Variants in PAFAH1B1 observed in about 807,000 individuals in gnomAD.
PAFAH1B1 encodes the protein platelet-activating factor acetylhydrolase IB subunit beta.
In PAFAH1B1, 2 loss-of-function variants were observed where a neutral mutation model predicts 57.5. The observed-to-expected ratio is 0.03, with a 90% CI of 0.01 to 0.11. The LOEUF (loss-of-function observed/expected upper bound fraction) is 0.11, where lower values mean the gene tolerates loss of function less well. PAFAH1B1 is among the 10% of genes least tolerant of loss of function. PAFAH1B1 has a pLI of 1.00. For missense variants in PAFAH1B1, 257 were observed against 512.0 expected (o/e 0.50, Z 4.81); for synonymous variants, 152 against 169.6 (o/e 0.90, Z 0.81).
chr17:2,660,435 T>G (rs1269327776), intron 2 of PAFAH1B1, among the ~76,000 whole-genome samples: 3 of 152,020 alleles, frequency 2.0e-5, no homozygotes, highest in African/African-American at 7.2e-5. Flanking sequence ...CGGGTGTGTG[T>G]TGTTCCCCTC....
At chr17:2,643,394 C>T (rs991717545) in intron 2 of PAFAH1B1, among the ~76,000 whole-genome samples, 1 of 152,116 alleles carries the variant, frequency 6.6e-6, no homozygotes, top group Non-Finnish European at 1.5e-5. Context: ...GCTGGGATTA[C>T]AGGCATGAGC....
At chr17:2,641,875 A>G (rs1030436536) in intron 2 of PAFAH1B1, 1 of 152,220 alleles carries the variant, frequency 6.6e-6, no homozygotes, top group Non-Finnish European at 1.5e-5. Flanking sequence ...ATACACATAT[A>G]CAAGTGTTTT....
At chr17:2,655,209 G>T (rs1211488567) in intron 2 of PAFAH1B1, among the ~76,000 whole-genome samples, 1 of 150,940 alleles carries the variant, frequency 6.6e-6, no homozygotes, top group Non-Finnish European at 1.5e-5. Flanking sequence ...GTGTGTGTGT[G>T]TGTGTGTTTA....
At chr17:2,649,509 G>A (rs909805565) in intron 2 of PAFAH1B1, among the ~76,000 whole-genome samples, 2 of 151,968 alleles carry the variant, frequency 1.3e-5, no homozygotes, top group Non-Finnish European at 2.9e-5. Context: ...GGGAGGCGGG[G>A]AGGTTGCAGT....
intron 7 of PAFAH1B1, among the ~76,000 whole-genome samples, chr17:2,673,033 A>C (rs904213689): frequency 6.6e-6 from 1 of 152,046 alleles, no homozygotes; most frequent in African/African-American, 2.4e-5. Context: ...GTGCCATTGC[A>C]CTCTAGCCTG....
intron 1 of PAFAH1B1, among the ~76,000 whole-genome samples, chr17:2,599,672 G>A (rs1386047670): frequency 2.0e-5 from 3 of 151,782 alleles, no homozygotes; most frequent in African/African-American, 4.8e-5. Context: ...GCTGCATTTC[G>A]TATACAGAGA....
chr17:2,647,762 T>TG lies in PAFAH1B1; in HGVS notation c.32+9445dup, dbSNP rs369883460. On this transcript the variant is annotated intron_variant, in intron 2 of 10. Transcript: ENST00000397195. The stretch of plus-strand genomic sequence containing the variant: ...GCTCACGCCTGTAATCCCAGCACTT[T>TG]GGGAGGCTGAGGTGGGTGGATCATG... Among the ~76,000 whole-genome samples, 212 of 152,094 alleles carry TG rather than the reference T, an allele frequency of 1.4e-3. 1 individual carries two copies. Among genetic ancestry groups the TG allele is most frequent in the African/African-American group, 4.7e-3 (196 of 41,486 alleles).
chr17:2,600,764 G>A (rs914994633), intron 1 of PAFAH1B1, among the ~76,000 whole-genome samples: 5 of 151,950 alleles, frequency 3.3e-5, no homozygotes. Context: ...GACTCTCGCT[G>A]TGTTGCCCAG....
chr17:2,643,394 C>G (rs991717545), intron 2 of PAFAH1B1, among the ~76,000 whole-genome samples: 2 of 152,116 alleles, frequency 1.3e-5, no homozygotes, highest in Non-Finnish European at 2.9e-5. Context: ...GCTGGGATTA[C>G]AGGCATGAGC....
intron 5 of PAFAH1B1, 135 bp downstream of exon 5, chr17:2,667,333 CA>C (rs934220950): frequency 0.06 from 25,976 of 430,570 alleles, 1 homozygote; most frequent in South Asian, 0.08. Flanking sequence ...CACTCTGTCT[CA>C]AAAAAAAAAA....
At chr17:2,634,273 T>TTACAGGTG (rs1567538437) in intron 1 of PAFAH1B1, among the ~76,000 whole-genome samples, 1 of 152,102 alleles carries the variant, frequency 6.6e-6, no homozygotes, top group Non-Finnish European at 1.5e-5. Flanking sequence ...AGTAGCTGGA[T>TTACAGGTG]TACAGGTGCT....
chr17:2,619,533 C>A (rs1046970767), intron 1 of PAFAH1B1, among the ~76,000 whole-genome samples: 6 of 73,734 alleles, frequency 8.1e-5, no homozygotes, highest in Non-Finnish European at 1.7e-4. Context: ...CTGGCCCTTA[C>A]CTGTTTTTTT....
At chr17:2,614,780 G>T (rs975092335) in intron 1 of PAFAH1B1, among the ~76,000 whole-genome samples, 3 of 151,816 alleles carry the variant, frequency 2.0e-5, no homozygotes, top group African/African-American at 7.3e-5. Context: ...TTAGAGATGA[G>T]TCTTGCTGCG....
At chr17:2,622,665 C>G (rs1040360158) in intron 1 of PAFAH1B1, among the ~76,000 whole-genome samples, 1 of 152,214 alleles carries the variant, frequency 6.6e-6, no homozygotes, top group Non-Finnish European at 1.5e-5. Flanking sequence ...ACAGTGCAAG[C>G]TGTCGGTGGA....
chr17:2,655,312 A>G (rs1033865825), intron 2 of PAFAH1B1, among the ~76,000 whole-genome samples: 3 of 152,026 alleles, frequency 2.0e-5, no homozygotes, highest in Non-Finnish European at 2.9e-5. Context: ...AAGCCCTTTT[A>G]CATACCACAT....
intron 1 of PAFAH1B1, 31 bp from the exon 2 acceptor site, chr17:2,638,065 AAAT>A: frequency 6.1e-6 from 3 of 490,978 alleles, no homozygotes; most frequent in Non-Finnish European, 3.6e-6. Flanking sequence ...ATTTTAAGTG[AAAT>A]AATCTTTTTT....
At chr17:2,617,971 G>A (rs1044875120) in intron 1 of PAFAH1B1, among the ~76,000 whole-genome samples, 4 of 141,570 alleles carry the variant, frequency 2.8e-5, no homozygotes, top group Admixed American at 7.0e-5. Flanking sequence ...CATTTAGGCC[G>A]GGTGCGGTGG....
At chr17:2,603,763 C>T (rs1303246455) in intron 1 of PAFAH1B1, among the ~76,000 whole-genome samples, 1 of 148,046 alleles carries the variant, frequency 6.8e-6, no homozygotes, top group Non-Finnish European at 1.5e-5. Context: ...TTTCTGGACA[C>T]GGAGTCTCTC....
chr17:2,631,759 T>G (rs2068558466), intron 1 of PAFAH1B1, among the ~76,000 whole-genome samples: 1 of 152,180 alleles, frequency 6.6e-6, no homozygotes, highest in Admixed American at 6.5e-5. Flanking sequence ...CTCTTGGGGT[T>G]GCTGGTTTGT....
Sources: allele counts gnomAD v4.1 joint callset (sites outside exome capture counted in the v4.1 genomes callset), GRCh38; gene constraint gnomAD v4.1.1; transcripts MANE v1.5; gene names NCBI Gene and HGNC (gene_info 2026-07-23, HGNC 2026-07-21).